The following ERAP1 variants were observed in gnomAD, a reference collection of about 807,000 sequenced individuals.
ERAP1 encodes endoplasmic reticulum aminopeptidase 1.
ERAP1 carries 86 observed loss-of-function variants against 103.7 expected under a neutral mutation model. The observed-to-expected ratio is 0.83, with a 90% confidence interval of 0.70 to 0.99. ERAP1 has a LOEUF of 0.99. Among genes scored for constraint, ERAP1 ranks in the 50% least tolerant of loss-of-function variants. ERAP1 has a pLI of 0.00. For missense variants in ERAP1, 1,009 were observed against 1,128.4 expected, an observed-to-expected ratio of 0.89 and a Z score of 1.52; for synonymous variants, 398 against 402.4, an observed-to-expected ratio of 0.99 and a Z score of 0.13.
chr5:96,880,174 T>C, the ERAP1 span: 22 of 1,613,994 alleles, frequency 1.4e-5, no homozygotes, highest in Non-Finnish European at 1.6e-5. Flanking sequence ...TGAAATACTA[T>C]GTGGCTATGG....
the ERAP1 span, among the ~76,000 whole-genome samples, chr5:96,911,204 C>T: frequency 6.6e-6 from 1 of 152,154 alleles, no homozygotes; most frequent in Admixed American, 6.5e-5. Flanking sequence ...TAATAACTAT[C>T]TCAGAGGGTA....
At chr5:96,852,538 C>T in the ERAP1 span, among the ~76,000 whole-genome samples, 1 of 152,204 alleles carries the variant, frequency 6.6e-6, no homozygotes, top group Non-Finnish European at 1.5e-5. Context: ...CCATTCCCCA[C>T]ATTTTCTAGT....
upstream of ERAP1, among the ~76,000 whole-genome samples, chr5:96,810,329 A>G (rs1347493695): frequency 3.9e-5 from 6 of 152,242 alleles, no homozygotes; most frequent in Non-Finnish European, 8.8e-5. Context: ...AATGGTTAGA[A>G]GGAAGGGAAC....
the ERAP1 span, chr5:96,886,774 T>G: frequency 2.0e-6 from 3 of 1,508,504 alleles, no homozygotes; most frequent in Non-Finnish European, 2.7e-6. Flanking sequence ...GTGGCTTCAC[T>G]TCATCAGGGG....
chr5:96,834,868 GA>G, the ERAP1 span, among the ~76,000 whole-genome samples: 4 of 152,168 alleles, frequency 2.6e-5, no homozygotes, highest in Non-Finnish European at 5.9e-5. Context: ...GTTACACAAA[GA>G]AACACTGCAT....
chr5:96,896,281 C>A, the ERAP1 span: 1 of 1,020,772 alleles, frequency 9.8e-7, no homozygotes, highest in Non-Finnish European at 1.4e-6. Flanking sequence ...GAAATCTTAC[C>A]TCTAAGAACA....
chr5:96,774,135 A>AT (rs2067318), downstream of ERAP1: 9,835 of 153,616 alleles, frequency 0.064, 368 homozygotes, highest in South Asian at 0.16. Flanking sequence ...TAATCCTCCC[A>AT]TTTGGGCAGT....
chr5:96,844,685 A>G, the ERAP1 span, among the ~76,000 whole-genome samples: 1 of 152,206 alleles, frequency 6.6e-6, no homozygotes, highest in Non-Finnish European at 1.5e-5. Flanking sequence ...GCTCCAGGGC[A>G]TTGTGGTTTG....
Position 96,783,969 on chromosome 5 carries a change from C to T in ERAP1, c.2055G>A (p.Lys685=). ...QGLNELIPMY[K]LMEKRDMNEV... ...CATTCATATCTCTTTTCTCCATTAA[C>T]TTATACATAGGAATCAGCTCATTCA... Residue 685 remains lysine, a synonymous_variant, in exon 14 of 19, where the codon AAG becomes AAA. Coordinates refer to ENST00000443439, the MANE Select transcript of ERAP1 (RefSeq NM_001040458.3). The T allele has an allele frequency of 6.2e-7, 1 of 1,613,814 alleles. No homozygotes were observed. Among genetic ancestry groups the T allele is most frequent in the Non-Finnish European group, 8.5e-7 (1 of 1,179,890 alleles).
chr5:96,869,841 G>A, the ERAP1 span, among the ~76,000 whole-genome samples: 4,672 of 152,324 alleles, frequency 0.031, 102 homozygotes, highest in Middle Eastern at 0.11. Context: ...GAGGCTTAGG[G>A]AAATCTGCAA....
the ERAP1 span, among the ~76,000 whole-genome samples, chr5:96,829,345 A>G: frequency 3.3e-5 from 5 of 152,328 alleles, no homozygotes; most frequent in Middle Eastern, 3.4e-3. Context: ...GCATTGGTAC[A>G]CTGGCATACT....
chr5:96,841,723 T>G, the ERAP1 span, among the ~76,000 whole-genome samples: 1 of 149,680 alleles, frequency 6.7e-6, no homozygotes, highest in Non-Finnish European at 1.5e-5. Context: ...CTCCAGAAAC[T>G]TTAACATCTT....
At chr5:96,761,865 A>C (rs556905580) in exon 20 of ERAP1, 1 of 155,876 alleles carries the variant, frequency 6.4e-6, no homozygotes, top group African/African-American at 2.4e-5. Flanking sequence ...TGCTTTTCGC[A>C]GTATGAATTC....
At chr5:96,913,458 G>A in the ERAP1 span, 1 of 1,613,754 alleles carries the variant, frequency 6.2e-7, no homozygotes, top group African/African-American at 1.3e-5. Context: ...TTCTGAAAAA[G>A]TTGGTATTCA....
the ERAP1 span, among the ~76,000 whole-genome samples, chr5:96,835,471 A>G: frequency 1.3e-5 from 2 of 152,240 alleles, no homozygotes; most frequent in Non-Finnish European, 2.9e-5. Context: ...TCTGTCATAT[A>G]TCTTTTTAAA....
chr5:96,762,388 T>C (rs765560911), exon 20 of ERAP1: 16 of 1,543,128 alleles, frequency 1.0e-5, no homozygotes, highest in Non-Finnish European at 5.2e-6. Flanking sequence ...CAGCACATCT[T>C]ATTTGGGAGA....
the ERAP1 span, among the ~76,000 whole-genome samples, chr5:96,827,171 TG>T: frequency 6.6e-6 from 1 of 152,252 alleles, no homozygotes; most frequent in African/African-American, 2.4e-5. Context: ...CCTGCTTTTT[TG>T]CTTGGATTTT....
chr5:96,875,913 T>C, the ERAP1 span: 1 of 152,334 alleles, frequency 6.6e-6, no homozygotes, highest in Admixed American at 6.6e-5. Flanking sequence ...GGAAGGTCTG[T>C]ATTCAGAGCA....
the ERAP1 span, among the ~76,000 whole-genome samples, chr5:96,878,821 G>C: frequency 6.6e-6 from 1 of 152,050 alleles, no homozygotes; most frequent in South Asian, 2.1e-4. Flanking sequence ...CCAGCTACTC[G>C]GGAGGCTGAG....
Sources: gnomAD v4.1 joint callset for allele counts (sites outside exome capture counted in the v4.1 genomes callset) on GRCh38, gnomAD v4.1.1 for gene constraint, MANE v1.5 for transcripts, NCBI Gene and HGNC (gene_info 2026-07-23, HGNC 2026-07-21) for gene names.